SLC75A1: variants seen among roughly 807,000 people sequenced by gnomAD.
SLC75A1 encodes solute carrier family 75 member 1.
the SLC75A1 span, chr4:2,932,767 GGGCAGGGGCCAAGA>G: frequency 5.2e-6 from 8 of 1,548,320 alleles, no homozygotes; most frequent in Admixed American, 4.0e-5. Flanking sequence ...ATCTGCCCAG[GGGCAGGGGCCAAGA>G]GGCAGGGGCG....
the SLC75A1 span, chr4:2,931,102 CCT>C: frequency 1.3e-6 from 2 of 1,592,142 alleles, no homozygotes; most frequent in Non-Finnish European, 1.7e-6. Flanking sequence ...GGCCAGAGCA[CCT>C]AGGCTGCGCA....
the SLC75A1 span, chr4:2,931,639 G>A: frequency 6.2e-7 from 1 of 1,613,630 alleles, no homozygotes. Context: ...GGCCGATGAG[G>A]AAAAACATCT....
the SLC75A1 span, chr4:2,933,919 C>T: frequency 1.9e-6 from 3 of 1,562,736 alleles, no homozygotes; most frequent in Non-Finnish European, 2.6e-6. Context: ...CCCTCCCCAT[C>T]CCATGGTGGG....
At chr4:2,932,053 G>C in the SLC75A1 span, 1 of 1,611,262 alleles carries the variant, frequency 6.2e-7, no homozygotes, top group Non-Finnish European at 8.5e-7. Context: ...ACTGTCTCCA[G>C]AGGGTGGGTC....
At chr4:2,932,096 G>A in the SLC75A1 span, 1 of 1,610,792 alleles carries the variant, frequency 6.2e-7, no homozygotes, top group African/African-American at 1.3e-5. Flanking sequence ...AAGCGCAGCA[G>A]GGCCAGGGGG....
At chr4:2,930,789 C>G in the SLC75A1 span, 7 of 1,596,284 alleles carry the variant, frequency 4.4e-6, no homozygotes, top group South Asian at 6.7e-5. Context: ...GGGGCCTGAC[C>G]TAGGCTCCCA....
At chr4:2,933,615 C>T in the SLC75A1 span, 179 of 1,613,212 alleles carry the variant, frequency 1.1e-4, 2 homozygotes, top group South Asian at 9.6e-4. Flanking sequence ...ATCCCGATGG[C>T]GGTGGCAAAC....
At chr4:2,932,949 G>C in the SLC75A1 span, 2 of 1,028,944 alleles carry the variant, frequency 1.9e-6, no homozygotes, top group Non-Finnish European at 1.4e-6. Context: ...TGGAACAGGA[G>C]CCACTGGTCC....
the SLC75A1 span, chr4:2,932,817 G>C: frequency 2.0e-6 from 3 of 1,517,534 alleles, no homozygotes; most frequent in South Asian, 2.7e-5. Flanking sequence ...GAGTGGCTCA[G>C]AGTAGGGCTT....
chr4:2,933,009 G>A, the SLC75A1 span: 1 of 1,244,490 alleles, frequency 8.0e-7, no homozygotes, highest in Non-Finnish European at 1.1e-6. Context: ...TGGCCATGAG[G>A]GGCCCACAGC....
the SLC75A1 span, chr4:2,931,978 G>A: frequency 1.9e-6 from 3 of 1,602,184 alleles, no homozygotes; most frequent in East Asian, 2.2e-5. Flanking sequence ...ACCACAGCAG[G>A]GAAGGGCGCC....
the SLC75A1 span, chr4:2,932,273 G>A: frequency 1.3e-6 from 2 of 1,555,464 alleles, no homozygotes; most frequent in South Asian, 1.2e-5. Context: ...TCTGGGGCTG[G>A]CACACAGGGG....
the SLC75A1 span, chr4:2,931,376 A>G: frequency 5.2e-6 from 8 of 1,548,964 alleles, 1 homozygote; most frequent in Non-Finnish European, 6.1e-6. Context: ...GCCACTCACC[A>G]AAGGAGTAGA....
At chr4:2,931,176 C>T in the SLC75A1 span, 1 of 1,557,168 alleles carries the variant, frequency 6.4e-7, no homozygotes. Flanking sequence ...CAGTCAGGCA[C>T]CACTGCCCTT....
the SLC75A1 span, chr4:2,934,278 C>CCCGGATCCGGAT: frequency 3.5e-6 from 1 of 284,978 alleles, no homozygotes; most frequent in African/African-American, 2.4e-5. Context: ...CCGCGGGGAA[C>CCCGGATCCGGAT]CCGGATCCCG....
chr4:2,930,727 C>G, the SLC75A1 span: 7 of 1,278,098 alleles, frequency 5.5e-6, no homozygotes, highest in African/African-American at 1.1e-4. Flanking sequence ...GGCCGGCCCC[C>G]ACCCACAGGG....
chr4:2,934,334 C>T, the SLC75A1 span: 10 of 216,376 alleles, frequency 4.6e-5, no homozygotes, highest in Non-Finnish European at 6.5e-5. Context: ...AGCCCCGGCC[C>T]GCGCCCCGCG....
chr4:2,931,034 T>C, the SLC75A1 span: 1 of 1,610,392 alleles, frequency 6.2e-7, no homozygotes, highest in Non-Finnish European at 8.5e-7. Context: ...GCCCCCAGCC[T>C]GCCCCAGCAC....
chr4:2,934,051 G>A, the SLC75A1 span: 6 of 1,059,736 alleles, frequency 5.7e-6, no homozygotes, highest in East Asian at 7.8e-5. Flanking sequence ...GCTGATGGCA[G>A]GGGCTCTGGC....
Sources: allele counts gnomAD v4.1 joint callset, GRCh38; gene constraint gnomAD v4.1.1; transcripts MANE v1.5; gene names NCBI Gene and HGNC (gene_info 2026-07-23, HGNC 2026-07-21).